Variants in GCNT2 observed in about 807,000 individuals in gnomAD.
GCNT2 encodes the protein glucosaminyl (N-acetyl) transferase 2 (I blood group).
Under a neutral mutation model 34.2 loss-of-function variants are expected in GCNT2, and 34 were observed. The observed-to-expected ratio is 1.00, with a 90% confidence interval of 0.76 to 1.32. GCNT2 has a LOEUF of 1.32. GCNT2 is among the 40% of genes most tolerant of loss of function. The pLI is 0.00. For missense variants in GCNT2, 584 were observed against 489.4 expected (o/e 1.19, Z -1.82); for synonymous variants, 212 against 188.0 (o/e 1.13, Z -1.04).
At chr6:10,557,019 A>G (rs1203704351) in intron 3 of GCNT2, 1 of 1,613,652 alleles carries the variant, frequency 6.2e-7, no homozygotes, top group Non-Finnish European at 8.5e-7. Context: ...AAAACCAACA[A>G]GGAAATAGTT....
At chr6:10,564,343 C>G (rs1424539453) in intron 3 of GCNT2, among the ~76,000 whole-genome samples, 1 of 152,168 alleles carries the variant, frequency 6.6e-6, no homozygotes, top group Non-Finnish European at 1.5e-5. Flanking sequence ...AACTCAGACT[C>G]TCCCCTTTGC....
chr6:10,563,767 A>G (rs1215269670), intron 3 of GCNT2, among the ~76,000 whole-genome samples: 13 of 68,724 alleles, frequency 1.9e-4, no homozygotes, highest in Admixed American at 1.8e-4. Context: ...AAAAAAAAAA[A>G]AAAAAAAAAA....
rs752553216 is a variant in GCNT2 at position 10,529,670 on chromosome 6, T to C, written c.759T>C (p.Pro253=). 2 of 1,614,066 alleles carry C rather than the reference T, an allele frequency of 1.2e-6. No individual in the cohort carries two copies. The highest frequency in any genetic ancestry group is 1.7e-6 in the Non-Finnish European group (2 of 1,179,996). Residue 253 remains proline, a synonymous_variant, in exon 3 of 5, where the codon CCT becomes CCC. Coordinates refer to ENST00000495262, the MANE Select transcript of GCNT2 (RefSeq NM_145649.5). ...YVIKTTKLKT[P]PPHDMVIYFG... Reference sequence around the variant, plus strand: ...TTAAAACAACAAAATTAAAAACTCCTCCTCCTCATGACATGGTGATTTACT... The same window carrying C: ...TTAAAACAACAAAATTAAAAACTCCCCCTCCTCATGACATGGTGATTTACT...
At chr6:10,572,502 G>A (rs1229791359) in intron 3 of GCNT2, among the ~76,000 whole-genome samples, 2 of 152,114 alleles carry the variant, frequency 1.3e-5, no homozygotes, top group African/African-American at 4.8e-5. Context: ...GGAGGCCAAG[G>A]CAGGCGGATC....
chr6:10,532,475 G>C (rs1761542200), intron 3 of GCNT2, among the ~76,000 whole-genome samples: 1 of 152,102 alleles, frequency 6.6e-6, no homozygotes, highest in Non-Finnish European at 1.5e-5. Flanking sequence ...TGTCATCCAG[G>C]CTGGAGTGCA....
chr6:10,609,099 A>G (rs1020437062), intron 3 of GCNT2, among the ~76,000 whole-genome samples: 1 of 152,130 alleles, frequency 6.6e-6, no homozygotes, highest in African/African-American at 2.4e-5. Context: ...TACCAATCAA[A>G]TGTGGTTTAT....
intron 3 of GCNT2, among the ~76,000 whole-genome samples, chr6:10,598,372 C>G (rs1303998460): frequency 6.6e-6 from 1 of 152,190 alleles, no homozygotes; most frequent in Non-Finnish European, 1.5e-5. Flanking sequence ...CATCTCTCCC[C>G]CTTCTCCCTC....
intron 3 of GCNT2, among the ~76,000 whole-genome samples, chr6:10,538,020 A>T (rs558877846): frequency 6.6e-6 from 1 of 152,102 alleles, no homozygotes; most frequent in South Asian, 2.1e-4. Flanking sequence ...ATCCTACCGC[A>T]CCTCGTTAGC....
chr6:10,596,022 A>G (rs1271110288), intron 3 of GCNT2, among the ~76,000 whole-genome samples: 1 of 152,248 alleles, frequency 6.6e-6, no homozygotes, highest in Admixed American at 6.5e-5. Context: ...AAAATGCAAA[A>G]TTCTGATATT....
intron 3 of GCNT2, chr6:10,586,636 C>T: frequency 1.2e-6 from 2 of 1,614,198 alleles, no homozygotes; most frequent in Non-Finnish European, 1.7e-6. Flanking sequence ...AAAAATATCA[C>T]CCCAGGGGTG....
At chr6:10,581,291 A>C (rs1675428) in intron 3 of GCNT2, among the ~76,000 whole-genome samples, 2,584 of 151,720 alleles carry the variant, frequency 0.017, 59 homozygotes, top group African/African-American at 0.057. Flanking sequence ...ATTTTTTGAG[A>C]TGGAGTTTTG....
intron 3 of GCNT2, among the ~76,000 whole-genome samples, chr6:10,576,020 C>T (rs577642403): frequency 3.3e-5 from 5 of 152,306 alleles, no homozygotes; most frequent in East Asian, 1.9e-4. Context: ...TCACACAAAG[C>T]CTGTTTGGTG....
At chr6:10,523,110 TTGAC>T (rs572201686) in intron 1 of GCNT2, among the ~76,000 whole-genome samples, 75 of 152,300 alleles carry the variant, frequency 4.9e-4, no homozygotes, top group Admixed American at 4.0e-3. Context: ...TCAAAGTTAT[TTGAC>T]TGAGCTTGAA....
At chr6:10,525,355 A>G (rs1478506174) in intron 1 of GCNT2, among the ~76,000 whole-genome samples, 71 of 152,218 alleles carry the variant, frequency 4.7e-4, no homozygotes, top group Non-Finnish European at 5.9e-5. Context: ...CCACCTGATC[A>G]GTGCCTCCGA....
chr6:10,526,569 C>T (rs533402683), intron 1 of GCNT2, among the ~76,000 whole-genome samples: 16 of 152,074 alleles, frequency 1.1e-4, no homozygotes, highest in South Asian at 4.2e-4. Context: ...CATCTTCCTG[C>T]GTTCTTTTTT....
At chr6:10,575,885 C>A (rs538893938) in intron 3 of GCNT2, among the ~76,000 whole-genome samples, 1 of 152,122 alleles carries the variant, frequency 6.6e-6, no homozygotes, top group Non-Finnish European at 1.5e-5. Flanking sequence ...GAACAAACCC[C>A]CTTTGACTGT....
At position 10,626,596 on chromosome 6, in the gene GCNT2, T is replaced by C; in HGVS notation, c.1198T>C (p.Trp400Arg). 6.2e-7 allele frequency: 1 copy of C among 1,613,240 alleles called. No homozygotes were observed. Among genetic ancestry groups the C allele is most frequent in the South Asian group, 1.1e-5 (1 of 91,068 alleles). Residue 400 changes from tryptophan (W) to arginine (R), a missense_variant, in exon 5 of 5, where the codon TGG becomes CGG. Trp to Arg is a moderately radical substitution (Grantham distance 101). Coordinates refer to ENST00000495262, the MANE Select transcript of GCNT2 (RefSeq NM_145649.5). ...GAGTGAAACTGCGATACAACCCAGC[T>C]GGTATTTTTGAGCTATTCATGAGCT... Reference protein sequence around the residue: ...NQSETAIQPSWYF With the variant: ...NQSETAIQPSRYF
At position 10,550,436 on chromosome 6, in the gene GCNT2, C is replaced by T. The variant is rs114636063; in HGVS notation, c.925+20600C>T. 5.2e-3 allele frequency among the ~76,000 whole-genome samples: 795 copies of T among 151,960 alleles called. 6 individuals are homozygous for T. The highest frequency in any genetic ancestry group is 0.018 in the African/African-American group (758 of 41,424). ...TAATTTTGCTCTAGTCCCTTGACTC[C>T]CAAACTTTGGTCCTAGGATGAGTGG... On this transcript the variant is annotated intron_variant, in intron 3 of 4. Coordinates refer to ENST00000495262, the MANE Select transcript of GCNT2 (RefSeq NM_145649.5).
chr6:10,582,467 AAT>A (rs1230745840), intron 3 of GCNT2, among the ~76,000 whole-genome samples: 1 of 114,994 alleles, frequency 8.7e-6, no homozygotes, highest in East Asian at 2.1e-4. Context: ...TAATAAATAT[AAT>A]ATATACTATA....
Sources: allele counts gnomAD v4.1 joint callset (sites outside exome capture counted in the v4.1 genomes callset), GRCh38; gene constraint gnomAD v4.1.1; transcripts MANE v1.5; gene names NCBI Gene and HGNC (gene_info 2026-07-23, HGNC 2026-07-21).